Variants in ASIC2 observed in about 807,000 individuals in gnomAD.
The protein encoded by ASIC2 is acid-sensing ion channel 2.
Under a neutral mutation model 57.3 loss-of-function variants are expected in ASIC2, and 25 were observed. The ratio of observed to expected loss-of-function variants is 0.44; its 90% CI spans 0.32 to 0.61. The LOEUF (loss-of-function observed/expected upper bound fraction) is 0.61, where lower values mean the gene tolerates loss of function less well. ASIC2 is among the 20% of genes least tolerant of loss of function. The pLI is 0.06. For synonymous variants in ASIC2, 319 were observed against 307.5 expected, an observed-to-expected ratio of 1.04 and a Z score of -0.39; for missense variants, 641 against 738.1, an observed-to-expected ratio of 0.87 and a Z score of 1.52.
chr17:33,176,376 G>A (rs1905758860), intron 1 of ASIC2, among the ~76,000 whole-genome samples: 1 of 152,184 alleles, frequency 6.6e-6, no homozygotes, highest in African/African-American at 2.4e-5. Context: ...GGTCTCACCT[G>A]CTTTGTTGAC....
rs62057835 is a variant in ASIC2, at chr17:33,649,695, C to G, written c.555+506283G>C. On this transcript the variant is annotated intron_variant, in intron 1 of 9. Transcript: ENST00000359872. ...GGAATAGACACACATATTAAAGAAA[C>G]AGAACAAAGAACCAAGAAATTGACC... Among the ~76,000 whole-genome samples, 372 of 151,812 alleles carry G rather than the reference C, an allele frequency of 2.5e-3. 1 individual carries two copies. Among genetic ancestry groups the G allele is most frequent in the Non-Finnish European group, 2.2e-3 (147 of 67,994 alleles).
chr17:33,052,208 A>G (rs2091979453), intron 3 of ASIC2: 1 of 152,208 alleles, frequency 6.6e-6, no homozygotes, highest in African/African-American at 2.4e-5. Context: ...AGAGTCAGGC[A>G]CCGCCAAATG....
chr17:33,573,321 AT>A (rs976597884), intron 1 of ASIC2, among the ~76,000 whole-genome samples: 7 of 152,228 alleles, frequency 4.6e-5, no homozygotes, highest in Admixed American at 3.3e-4. Flanking sequence ...AATATAGAAA[AT>A]AATACAGAGA....
intron 1 of ASIC2, among the ~76,000 whole-genome samples, chr17:33,871,303 C>A (rs2141931798): frequency 6.6e-6 from 1 of 152,282 alleles, no homozygotes; most frequent in South Asian, 2.1e-4. Flanking sequence ...TCATTAAAAG[C>A]CCTCTACAAA....
intron 1 of ASIC2, among the ~76,000 whole-genome samples, chr17:33,841,560 A>T (rs1366918254): frequency 6.6e-6 from 1 of 152,196 alleles, no homozygotes; most frequent in African/African-American, 2.4e-5. Context: ...TTTGAAACCA[A>T]TAAAAGAAAA....
rs567291686 is a variant in ASIC2 at position 33,919,843 on chromosome 17, C to T, written c.555+236135G>A. Among the ~76,000 whole-genome samples, 5 of 152,248 alleles carry T rather than the reference C, an allele frequency of 3.3e-5. No homozygotes were observed. In the South Asian group the frequency reaches 8.3e-4, roughly 25 times the overall value. On this transcript the variant is annotated intron_variant, in intron 1 of 9. Transcript: ENST00000359872. ...TCAACAAGAAAATAACAAATAACCCCATTAAAAAGCGGGCAAAGGAAATGC... is the reference window on the plus strand; with the variant it reads ...TCAACAAGAAAATAACAAATAACCCTATTAAAAAGCGGGCAAAGGAAATGC...
At chr17:33,932,974 T>C (rs1156835315) in intron 1 of ASIC2, among the ~76,000 whole-genome samples, 1 of 151,986 alleles carries the variant, frequency 6.6e-6, no homozygotes, top group Non-Finnish European at 1.5e-5. Flanking sequence ...ACTTCTCTGC[T>C]CAAAACTTTC....
chr17:33,679,636 G>T (rs7223258), intron 1 of ASIC2, among the ~76,000 whole-genome samples: 22,073 of 152,106 alleles, frequency 0.15, 2,581 homozygotes, highest in African/African-American at 0.32. Context: ...AAGAGTAATG[G>T]GAGATGGGAA....
chr17:34,111,484 G>A (rs1911272514), intron 1 of ASIC2, among the ~76,000 whole-genome samples: 2 of 152,012 alleles, frequency 1.3e-5, no homozygotes, highest in Admixed American at 1.3e-4. Flanking sequence ...TATGCACTCT[G>A]ACATTCTACT....
chr17:33,708,237 A>C (rs1045910780), intron 1 of ASIC2, among the ~76,000 whole-genome samples: 1 of 152,246 alleles, frequency 6.6e-6, no homozygotes, highest in East Asian at 1.9e-4. Flanking sequence ...AAGTGTTTAC[A>C]GAGTTCCAGA....
intron 1 of ASIC2, among the ~76,000 whole-genome samples, chr17:33,301,239 C>T (rs769779316): frequency 6.6e-6 from 1 of 150,884 alleles, no homozygotes; most frequent in Non-Finnish European, 1.5e-5. Flanking sequence ...TAGGGTTTCA[C>T]CATGTCATCG....
chr17:33,372,523 T>C (rs1175244220), intron 1 of ASIC2, among the ~76,000 whole-genome samples: 1 of 152,156 alleles, frequency 6.6e-6, no homozygotes, highest in Non-Finnish European at 1.5e-5. Flanking sequence ...GGTGACCTTC[T>C]GGAACTACCG....
At chr17:33,130,938 C>G (rs2092343314) in intron 1 of ASIC2, among the ~76,000 whole-genome samples, 1 of 152,180 alleles carries the variant, frequency 6.6e-6, no homozygotes, top group Non-Finnish European at 1.5e-5. Flanking sequence ...GATCCACATG[C>G]CACTGCTTAT....
intron 1 of ASIC2, among the ~76,000 whole-genome samples, chr17:33,546,663 A>G (rs9893551): frequency 0.093 from 14,171 of 152,152 alleles, 1,736 homozygotes; most frequent in African/African-American, 0.28. Context: ...GAAAACTGCC[A>G]AGTGCCTTCC....
chr17:34,012,397 C>T (rs923517780), intron 1 of ASIC2, among the ~76,000 whole-genome samples: 3 of 152,206 alleles, frequency 2.0e-5, no homozygotes, highest in Non-Finnish European at 2.9e-5. Flanking sequence ...TGCAATACCA[C>T]GGATTTTCCA....
chr17:33,970,927 C>T (rs972136572), intron 1 of ASIC2, among the ~76,000 whole-genome samples: 16 of 152,252 alleles, frequency 1.1e-4, no homozygotes, highest in Admixed American at 9.2e-4. Context: ...GCAGATTCAT[C>T]GCCCTTCAGT....
intron 1 of ASIC2, among the ~76,000 whole-genome samples, chr17:33,523,207 A>G (rs530074226): frequency 6.6e-6 from 1 of 152,322 alleles, no homozygotes; most frequent in South Asian, 2.1e-4. Flanking sequence ...GCCCCTCTGA[A>G]ACTTTGTTTC....
At chr17:33,534,609 C>G (rs1445195776) in intron 1 of ASIC2, 2 of 152,170 alleles carry the variant, frequency 1.3e-5, no homozygotes. Context: ...ATCCTCCCAG[C>G]AAGCTTGGGT....
chr17:33,971,050 T>C (rs1905214983), intron 1 of ASIC2, among the ~76,000 whole-genome samples: 1 of 152,132 alleles, frequency 6.6e-6, no homozygotes, highest in Non-Finnish European at 1.5e-5. Context: ...CTTCCTCCAC[T>C]CCCATTTCTT....
Sources: gnomAD v4.1 joint callset for allele counts (sites outside exome capture counted in the v4.1 genomes callset) on GRCh38, gnomAD v4.1.1 for gene constraint, MANE v1.5 for transcripts, NCBI Gene and HGNC (gene_info 2026-07-23, HGNC 2026-07-21) for gene names.